TMTC2: variants seen among roughly 807,000 people sequenced by gnomAD.
TMTC2 encodes the protein protein O-mannosyl-transferase TMTC2.
TMTC2 carries 43 observed loss-of-function variants against 82.4 expected under a neutral mutation model. The ratio of observed to expected loss-of-function variants is 0.52; its 90% CI spans 0.41 to 0.67. The LOEUF (loss-of-function observed/expected upper bound fraction) is 0.67, where lower values mean the gene tolerates loss of function less well. Among genes scored for constraint, TMTC2 ranks in the 30% least tolerant of loss-of-function variants. TMTC2 has a pLI of 0.00. For missense variants in TMTC2, 919 were observed against 1,012.4 expected (o/e 0.91, Z 1.25); for synonymous variants, 408 against 381.9 (o/e 1.07, Z -0.80).
chr12:82,866,137 C>T (rs1871839329), intron 2 of TMTC2, among the ~76,000 whole-genome samples: 1 of 144,244 alleles, frequency 6.9e-6, no homozygotes, highest in Non-Finnish European at 1.5e-5. Flanking sequence ...CAAAAGCTAG[C>T]AGAAGGCAAG....
At chr12:83,080,128 G>A (rs901416086) in intron 11 of TMTC2, among the ~76,000 whole-genome samples, 1 of 152,140 alleles carries the variant, frequency 6.6e-6, no homozygotes, top group Non-Finnish European at 1.5e-5. Flanking sequence ...TCTCCAGCTG[G>A]TGAACTTTAA....
At chr12:83,032,260 TATATATA>T (rs1565861597) in intron 9 of TMTC2, among the ~76,000 whole-genome samples, 173 of 7,660 alleles carry the variant, frequency 0.023, 2 homozygotes, top group African/African-American at 0.054. Flanking sequence ...GAATATTTTA[TATATATA>T]TATATATATA....
At chr12:82,921,521 T>C (rs778443398) in intron 3 of TMTC2, among the ~76,000 whole-genome samples, 1 of 152,220 alleles carries the variant, frequency 6.6e-6, no homozygotes, top group Non-Finnish European at 1.5e-5. Flanking sequence ...TCCCATTCTT[T>C]CGCTCTCTTT....
chr12:83,078,987 A>G (rs1435100771), intron 11 of TMTC2, among the ~76,000 whole-genome samples: 1 of 152,086 alleles, frequency 6.6e-6, no homozygotes, highest in Admixed American at 6.6e-5. Flanking sequence ...TAAAGAGAGA[A>G]GCAATTTTGA....
intron 1 of TMTC2, among the ~76,000 whole-genome samples, chr12:82,797,116 A>G (rs1465364192): frequency 1.3e-5 from 2 of 152,154 alleles, no homozygotes; most frequent in Admixed American, 6.6e-5. Flanking sequence ...TGTTCGTAGT[A>G]TCATTATCTT....
At chr12:83,037,748 A>G (rs2137434273) in intron 9 of TMTC2, among the ~76,000 whole-genome samples, 1 of 152,256 alleles carries the variant, frequency 6.6e-6, no homozygotes, top group South Asian at 2.1e-4. Flanking sequence ...TTATAATTGA[A>G]ACTTTCCCAT....
At chr12:82,764,147 C>A (rs191278886) in intron 1 of TMTC2, among the ~76,000 whole-genome samples, 2 of 151,782 alleles carry the variant, frequency 1.3e-5, no homozygotes, top group Non-Finnish European at 2.9e-5. Flanking sequence ...CACATACACA[C>A]TTTTTTTTGA....
At chr12:83,061,105 T>G (rs987381790) in intron 10 of TMTC2, among the ~76,000 whole-genome samples, 6 of 151,764 alleles carry the variant, frequency 4.0e-5, no homozygotes, top group Admixed American at 2.0e-4. Flanking sequence ...ATAGTCCCAT[T>G]GCTTCTACCA....
intron 1 of TMTC2, among the ~76,000 whole-genome samples, chr12:82,750,286 A>G (rs1875915204): frequency 6.6e-6 from 1 of 150,726 alleles, no homozygotes; most frequent in African/African-American, 2.4e-5. Context: ...AATACTTTCT[A>G]CAATGCTGGC....
At chr12:82,831,924 G>T (rs1419649897) in intron 1 of TMTC2, among the ~76,000 whole-genome samples, 1 of 152,158 alleles carries the variant, frequency 6.6e-6, no homozygotes, top group African/African-American at 2.4e-5. Context: ...CGAAAAATGT[G>T]CTAAGAAAAG....
At chr12:82,876,068 G>GGTGGTGGTGGTGGTGATTAGTATTCATA (rs1872515843) in intron 2 of TMTC2, among the ~76,000 whole-genome samples, 1 of 100,064 alleles carries the variant, frequency 1.0e-5, no homozygotes, top group African/African-American at 4.7e-5. Flanking sequence ...TGGTGGTGGT[G>GGTGGTGGTGGTGGTGATTAGTATTCATA]ATGATGATGA....
intron 8 of TMTC2, among the ~76,000 whole-genome samples, chr12:83,009,161 A>C (rs1234545946): frequency 6.6e-6 from 1 of 152,196 alleles, no homozygotes. Context: ...AGGCTCTGGT[A>C]ACATCTTTTA....
At chr12:82,950,221 A>G (rs1324665029) in intron 4 of TMTC2, among the ~76,000 whole-genome samples, 1 of 152,182 alleles carries the variant, frequency 6.6e-6, no homozygotes, top group African/African-American at 2.4e-5. Flanking sequence ...TTTAGACTCT[A>G]AAGTAAAAAG....
intron 1 of TMTC2, among the ~76,000 whole-genome samples, chr12:82,817,840 A>G (rs528416941): frequency 7.3e-4 from 111 of 152,282 alleles, no homozygotes; most frequent in African/African-American, 2.4e-3. Flanking sequence ...TTTTATCACC[A>G]GAAGGCTCAA....
intron 4 of TMTC2, among the ~76,000 whole-genome samples, chr12:82,953,483 G>A (rs938705535): frequency 6.6e-6 from 1 of 152,140 alleles, no homozygotes; most frequent in Admixed American, 6.5e-5. Flanking sequence ...CAAGATTTGG[G>A]AGCATTTGTG....
chr12:83,060,557 C>G (rs1174152244), intron 10 of TMTC2, among the ~76,000 whole-genome samples: 2 of 151,668 alleles, frequency 1.3e-5, no homozygotes, highest in African/African-American at 4.8e-5. Flanking sequence ...TGCAGGACCC[C>G]CAGCCATTTA....
chr12:82,961,657 T>C (rs889215864), intron 4 of TMTC2, among the ~76,000 whole-genome samples: 1 of 152,168 alleles, frequency 6.6e-6, no homozygotes, highest in South Asian at 2.1e-4. Context: ...CTCTTTTTAC[T>C]GTGGGGTGCT....
intron 8 of TMTC2, among the ~76,000 whole-genome samples, chr12:83,008,717 G>A (rs1166665874): frequency 2.6e-5 from 4 of 152,160 alleles, no homozygotes; most frequent in African/African-American, 7.2e-5. Flanking sequence ...TGCAGGACAT[G>A]TTGAATTGGG....
intron 8 of TMTC2, among the ~76,000 whole-genome samples, chr12:83,001,774 A>G (rs1336106005): frequency 5.3e-5 from 8 of 152,152 alleles, no homozygotes. Context: ...ACATAACAAG[A>G]GCCACCTTTG....
Sources: allele counts gnomAD v4.1 joint callset (sites outside exome capture counted in the v4.1 genomes callset), GRCh38; gene constraint gnomAD v4.1.1; transcripts MANE v1.5; gene names NCBI Gene and HGNC (gene_info 2026-07-23, HGNC 2026-07-21).